ATP6V0D2: variants seen among roughly 807,000 people sequenced by gnomAD.
ATP6V0D2 encodes ATPase H+ transporting V0 subunit d2.
A neutral mutation model predicts 40.0 loss-of-function variants in ATP6V0D2; 40 were observed. The observed-to-expected ratio is 1.00, with a 90% CI of 0.78 to 1.30. ATP6V0D2 has a LOEUF of 1.30. ATP6V0D2 is among the 50% of genes most tolerant of loss of function. The probability of loss-of-function intolerance (pLI) is 0.00; values close to 1 mark genes in which losing one functional copy is unlikely to be tolerated. For missense variants in ATP6V0D2, 470 were observed against 423.1 expected (o/e 1.11, Z -0.97); for synonymous variants, 179 against 156.3 (o/e 1.15, Z -1.08).
intron 2 of ATP6V0D2, among the ~76,000 whole-genome samples, chr8:86,135,844 G>A (rs1818888947): frequency 6.6e-6 from 1 of 151,946 alleles, no homozygotes; most frequent in Non-Finnish European, 1.5e-5. Context: ...GTGTCTTTTT[G>A]TTCAAAAATT....
chr8:86,112,834 T>A (rs1032332214), intron 1 of ATP6V0D2, among the ~76,000 whole-genome samples: 24 of 152,156 alleles, frequency 1.6e-4, no homozygotes, highest in Non-Finnish European at 1.6e-4. Flanking sequence ...CATGGTCTGG[T>A]GGAAACGATG....
At chr8:86,138,712 A>G (rs1051533276) in intron 2 of ATP6V0D2, among the ~76,000 whole-genome samples, 3 of 152,204 alleles carry the variant, frequency 2.0e-5, no homozygotes, top group Admixed American at 1.3e-4. Context: ...GATAGGCTTC[A>G]TTGCAGTTTC....
At chr8:86,143,033 C>A (rs1181276552) in intron 5 of ATP6V0D2, 79 bp downstream of exon 5, 2 of 1,000,330 alleles carry the variant, frequency 2.0e-6, no homozygotes, top group East Asian at 2.6e-5. Context: ...ACTTATATTT[C>A]CTTATCTTTG....
chr8:86,139,260 T>G (rs1013961392), intron 2 of ATP6V0D2, among the ~76,000 whole-genome samples, 197 bp from the exon 3 acceptor site: 39 of 152,110 alleles, frequency 2.6e-4, no homozygotes, highest in African/African-American at 9.4e-4. Flanking sequence ...TTGAATATGC[T>G]TTTTCAATTT....
intron 1 of ATP6V0D2, among the ~76,000 whole-genome samples, chr8:86,104,989 A>T (rs1231642069): frequency 6.6e-6 from 1 of 152,090 alleles, no homozygotes; most frequent in African/African-American, 2.4e-5. Flanking sequence ...TGCACCTTCA[A>T]TCACAAATTC....
At chr8:86,146,674 G>A (rs1024357711) in intron 5 of ATP6V0D2, among the ~76,000 whole-genome samples, 2 of 152,098 alleles carry the variant, frequency 1.3e-5, no homozygotes, top group South Asian at 2.1e-4. Context: ...GCTGGGTGAC[G>A]GAGTGAGATC....
intron 2 of ATP6V0D2, among the ~76,000 whole-genome samples, chr8:86,115,010 G>C (rs995739845): frequency 3.3e-5 from 5 of 152,158 alleles, no homozygotes; most frequent in African/African-American, 1.2e-4. Context: ...GGGAACAAAA[G>C]AACAGGACTT....
intron 2 of ATP6V0D2, among the ~76,000 whole-genome samples, chr8:86,119,226 T>C (rs7816933): frequency 0.047 from 6,705 of 141,398 alleles, 530 homozygotes; most frequent in African/African-American, 0.16. Flanking sequence ...TTCCTAATCA[T>C]AGGATCTTTT....
chr8:86,125,782 G>C (rs535812375), intron 2 of ATP6V0D2, among the ~76,000 whole-genome samples: 45 of 151,886 alleles, frequency 3.0e-4, no homozygotes, highest in African/African-American at 1.1e-3. Flanking sequence ...GCATAGTTGG[G>C]CTTATTGTTT....
intron 5 of ATP6V0D2, among the ~76,000 whole-genome samples, chr8:86,149,068 A>AAAAAAAAAAAAAAAAAG (rs1819108908): frequency 6.7e-6 from 1 of 149,738 alleles, no homozygotes; most frequent in African/African-American, 2.5e-5. Context: ...AAAAAAAAAA[A>AAAAAAAAAAAAAAAAAG]AAAAAAACCA....
intron 2 of ATP6V0D2, among the ~76,000 whole-genome samples, chr8:86,126,715 A>T (rs1818750047): frequency 6.6e-6 from 1 of 152,194 alleles, no homozygotes; most frequent in African/African-American, 2.4e-5. Context: ...ACAATTGAAA[A>T]GCTTCATGAA....
rs532889543 is a variant in ATP6V0D2, at chr8:86,124,844, C to T, written c.302+10964C>T. ...TCTGTGACTACATAGATCACACTCC[C>T]CTGAAACTGGCTGATTGAAAAAAAT... is the stretch of plus-strand genomic sequence containing the variant. On this transcript the variant is annotated intron_variant, in intron 2 of 7. Transcript: ENST00000285393. Among the ~76,000 whole-genome samples the T allele has an allele frequency of 2.2e-4, 33 of 152,186 alleles. No homozygotes were observed. In the South Asian group the frequency reaches 3.1e-3, roughly 14 times the overall value.
chr8:86,148,381 T>A (rs1356982045), intron 5 of ATP6V0D2, among the ~76,000 whole-genome samples: 2 of 152,198 alleles, frequency 1.3e-5, no homozygotes, highest in Non-Finnish European at 2.9e-5. Context: ...CAGGGTCAGA[T>A]GGAACTAACT....
In ATP6V0D2 at chr8:86,153,230, A is replaced by G. The variant is rs1381874888; in HGVS notation, c.*253A>G. On this transcript the variant is annotated 3_prime_UTR_variant, in exon 8 of 8. Transcript: ENST00000285393. ...GGGCCTTACAGGTTAGTTTTAATTAACTCTATGGTATTTTTCTTATTCTTG... is the reference window on the plus strand; with the variant it reads ...GGGCCTTACAGGTTAGTTTTAATTAGCTCTATGGTATTTTTCTTATTCTTG... 7.7e-6 allele frequency: 2 copies of G among 258,874 alleles called. No homozygotes were observed. The highest frequency in any genetic ancestry group is 1.4e-5 in the Non-Finnish European group (2 of 138,990). 16.0% of individuals were successfully genotyped at this position (258,874 alleles called of 1,614,324 possible).
In ATP6V0D2 at chr8:86,145,233, AAG is replaced by A. The variant is rs1181332154; in HGVS notation, c.639+2303_639+2304del. Among the ~76,000 whole-genome samples, 36 of 38,470 alleles carry A rather than the reference AAG, an allele frequency of 9.4e-4. 1 individual carries two copies. Among genetic ancestry groups the A allele is most frequent in the East Asian group, 1.9e-3 (3 of 1,612 alleles). The allele number at this position is 38,470 out of a possible 152,430, so 25.2% of individuals were successfully genotyped here. On this transcript the variant is annotated intron_variant, in intron 5 of 7. Transcript: ENST00000285393. ...AAAGAAAGAAAGAAAGAAAGAAAGA[AAG>A]AGAGAGAGAGAGAGAGAGAGAGAAA...
chr8:86,115,743 T>C (rs1337387832), intron 2 of ATP6V0D2, among the ~76,000 whole-genome samples: 1 of 152,172 alleles, frequency 6.6e-6, no homozygotes, highest in African/African-American at 2.4e-5. Flanking sequence ...AAAATGGAAC[T>C]AAGAATATCC....
At chr8:86,127,269 G>A (rs1464711790) in intron 2 of ATP6V0D2, among the ~76,000 whole-genome samples, 1 of 152,102 alleles carries the variant, frequency 6.6e-6, no homozygotes, top group Non-Finnish European at 1.5e-5. Context: ...CAAATCCACA[G>A]TATAACAAAA....
At chr8:86,117,066 C>T (rs1818599259) in intron 2 of ATP6V0D2, among the ~76,000 whole-genome samples, 1 of 152,116 alleles carries the variant, frequency 6.6e-6, no homozygotes, top group African/African-American at 2.4e-5. Flanking sequence ...TGACATATAA[C>T]AGCTATTTGT....
chr8:86,109,258 T>A (rs1818505671), intron 1 of ATP6V0D2, among the ~76,000 whole-genome samples: 1 of 152,184 alleles, frequency 6.6e-6, no homozygotes, highest in Non-Finnish European at 1.5e-5. Flanking sequence ...TAAAGTCTTA[T>A]TACTCACACA....
Sources: gnomAD v4.1 joint callset for allele counts (sites outside exome capture counted in the v4.1 genomes callset) on GRCh38, gnomAD v4.1.1 for gene constraint, MANE v1.5 for transcripts, NCBI Gene and HGNC (gene_info 2026-07-23, HGNC 2026-07-21) for gene names.